The following PCDH11X variants were observed in gnomAD, a reference collection of about 807,000 sequenced individuals.
PCDH11X encodes the protein protocadherin-11 X-linked.
PCDH11X carries 18 observed loss-of-function variants against 53.3 expected under a neutral mutation model. The observed-to-expected ratio is 0.34, with a 90% CI of 0.23 to 0.50. PCDH11X has a LOEUF of 0.50. Ranked by LOEUF, PCDH11X falls within the 20% of genes least tolerant of loss-of-function variation. The pLI, the probability that PCDH11X is intolerant of heterozygous loss-of-function variation, is 0.98. For synonymous variants in PCDH11X, 279 were observed against 393.3 expected (o/e 0.71, Z 3.44); for missense variants, 570 against 1,032.4 (o/e 0.55, Z 6.14).
At chrX:92,175,627 A>G (rs1203692248) in intron 6 of PCDH11X, among the ~76,000 whole-genome samples, 1 of 109,064 alleles carries the variant, frequency 9.2e-6, no homozygotes, top group Non-Finnish European at 1.9e-5. Context: ...CTATGTATCT[A>G]TCTATACATA....
At chrX:92,584,506 T>C (rs780047263) in intron 10 of PCDH11X, among the ~76,000 whole-genome samples, 42 of 111,079 alleles carry the variant, frequency 3.8e-4, no homozygotes, top group African/African-American at 1.4e-3. Flanking sequence ...AATTAAACAA[T>C]TTAGAAGAGA....
intron 6 of PCDH11X, among the ~76,000 whole-genome samples, chrX:92,171,035 T>G (rs2148275954): frequency 9.8e-6 from 1 of 102,276 alleles, no homozygotes; most frequent in East Asian, 3.2e-4. Context: ...CTCTCAAAAC[T>G]TTTGGCCTCG....
chrX:92,375,929 G>A (rs1216809634), intron 8 of PCDH11X, among the ~76,000 whole-genome samples: 2 of 111,398 alleles, frequency 1.8e-5, no homozygotes, highest in African/African-American at 3.3e-5. Flanking sequence ...GCCTTGTTTT[G>A]TTTGTTAAAG....
At chrX:92,511,423 C>T (rs915637336) in intron 10 of PCDH11X, among the ~76,000 whole-genome samples, 3 of 111,301 alleles carry the variant, frequency 2.7e-5, no homozygotes, top group Non-Finnish European at 3.8e-5. Flanking sequence ...TTTGGAGAGT[C>T]AGTCTGAGTT....
intron 7 of PCDH11X, among the ~76,000 whole-genome samples, chrX:92,226,399 C>T (rs1354725906): frequency 2.7e-5 from 3 of 111,297 alleles, no homozygotes; most frequent in African/African-American, 6.5e-5. Context: ...TCTTCTTGTC[C>T]TGTCTATGCT....
intron 10 of PCDH11X, among the ~76,000 whole-genome samples, chrX:92,575,030 C>A (rs1453870767): frequency 9.0e-6 from 1 of 110,607 alleles, no homozygotes; most frequent in African/African-American, 3.3e-5. Context: ...GTTAAATATT[C>A]CAGAATGCTT....
chrX:92,165,142 CATTG>C (rs2065710869), intron 6 of PCDH11X, among the ~76,000 whole-genome samples: 1 of 110,622 alleles, frequency 9.0e-6, no homozygotes, highest in Admixed American at 9.7e-5. Flanking sequence ...GTAATTGACT[CATTG>C]ATTGGATACA....
intron 6 of PCDH11X, among the ~76,000 whole-genome samples, chrX:92,039,284 G>A (rs1045504483): frequency 5.4e-5 from 6 of 111,693 alleles, no homozygotes; most frequent in Non-Finnish European, 9.4e-5. Context: ...AGCCATGTTT[G>A]TGACCTCTTC....
intron 9 of PCDH11X, among the ~76,000 whole-genome samples, chrX:92,449,973 A>G (rs1246803130): frequency 9.0e-6 from 1 of 111,547 alleles, no homozygotes; most frequent in Admixed American, 9.6e-5. Context: ...GTATAATTGT[A>G]TAATTTAAAA....
chrX:91,788,681 C>T (rs1302896264), intron 1 of PCDH11X, among the ~76,000 whole-genome samples: 1 of 111,807 alleles, frequency 8.9e-6, no homozygotes, highest in Non-Finnish European at 1.9e-5. Flanking sequence ...GAAAATTATG[C>T]CAAAGCAAAG....
chrX:91,807,894 A>G (rs1212728505), intron 1 of PCDH11X, among the ~76,000 whole-genome samples: 1 of 107,829 alleles, frequency 9.3e-6, no homozygotes, highest in Non-Finnish European at 1.9e-5. Context: ...CGATCCAGGG[A>G]TGAAGGTTCA....
intron 7 of PCDH11X, among the ~76,000 whole-genome samples, chrX:92,246,551 C>G (rs976374441): frequency 9.0e-6 from 1 of 110,691 alleles, no homozygotes; most frequent in Non-Finnish European, 1.9e-5. Flanking sequence ...GGGGTTTCGC[C>G]ATGTTGGCCA....
At chrX:92,247,980 A>T (rs190617574) in intron 7 of PCDH11X, among the ~76,000 whole-genome samples, 34 of 111,966 alleles carry the variant, frequency 3.0e-4, no homozygotes, top group Non-Finnish European at 1.9e-4. Context: ...AATGAATTCA[A>T]CTGGAAAAAA....
Position 91,835,534 on chromosome X carries a change from C to T in PCDH11X, c.30C>T (p.Phe10=), listed in dbSNP as rs56704613. 13,706 of 1,208,823 alleles carry T rather than the reference C, an allele frequency of 0.011. 979 individuals carry two copies. The African/African-American group carries it at 0.21, about 19-fold the overall frequency. The change falls in exon 5 of 11, where the codon TTC becomes TTT. Residue 10 remains phenylalanine, a synonymous_variant. Coordinates refer to ENST00000682573, the MANE Select transcript of PCDH11X (RefSeq NM_032968.5). MDLLSGTYI[F]AVLLACVVFH... ...ACTTGTTGTCCGGGACGTACATTTT[C>T]GCGGTCCTGCTAGCATGCGTGGTGT...
At chrX:91,955,011 A>G (rs2061691564) in intron 6 of PCDH11X, among the ~76,000 whole-genome samples, 1 of 110,631 alleles carries the variant, frequency 9.0e-6, no homozygotes, top group African/African-American at 3.3e-5. Context: ...TGGCATTTTC[A>G]TCATGAAATC....
intron 10 of PCDH11X, among the ~76,000 whole-genome samples, chrX:92,546,701 G>A (rs2074861089): frequency 9.0e-6 from 1 of 111,401 alleles, no homozygotes; most frequent in Non-Finnish European, 1.9e-5. Context: ...TGTAAAACAT[G>A]TAGGTGTCTG....
At chrX:92,155,617 CTTTTTTTTTTTT>C (rs775178966) in intron 6 of PCDH11X, among the ~76,000 whole-genome samples, 37,390 of 79,708 alleles carry the variant, frequency 0.47, 6,853 homozygotes, top group Non-Finnish European at 0.54. Flanking sequence ...ACTTCAATAG[CTTTTTTTTTTTT>C]TTTTTTTTTT....
At chrX:92,312,245 G>A (rs939104035) in intron 8 of PCDH11X, among the ~76,000 whole-genome samples, 1 of 111,024 alleles carries the variant, frequency 9.0e-6, no homozygotes, top group African/African-American at 3.3e-5. Context: ...TTTTAAAAAT[G>A]ATACAGTGGA....
At chrX:91,816,138 C>A (rs762473138) in intron 4 of PCDH11X, among the ~76,000 whole-genome samples, 79 of 110,128 alleles carry the variant, frequency 7.2e-4, no homozygotes, top group Middle Eastern at 4.7e-3. Flanking sequence ...CACACCCCCC[C>A]AAAAAAAATC....
Sources: gnomAD v4.1 joint callset for allele counts (sites outside exome capture counted in the v4.1 genomes callset) on GRCh38, gnomAD v4.1.1 for gene constraint, MANE v1.5 for transcripts, NCBI Gene and HGNC (gene_info 2026-07-23, HGNC 2026-07-21) for gene names.